MKLN1: variants seen among roughly 807,000 people sequenced by gnomAD.
The protein encoded by MKLN1 is muskelin 1, also known as muskelin.
In MKLN1, 18 loss-of-function variants were observed where a neutral mutation model predicts 99.0. The ratio of observed to expected loss-of-function variants is 0.18; its 90% CI spans 0.13 to 0.27. The LOEUF is 0.27. Among genes scored for constraint, MKLN1 ranks in the 10% least tolerant of loss-of-function variants. The probability of loss-of-function intolerance (pLI) is 1.00; values close to 1 mark genes in which losing one functional copy is unlikely to be tolerated. For synonymous variants in MKLN1, 288 were observed against 293.2 expected, an observed-to-expected ratio of 0.98 and a Z score of 0.18; for missense variants, 621 against 875.9, an observed-to-expected ratio of 0.71 and a Z score of 3.67.
intron 3 of MKLN1, among the ~76,000 whole-genome samples, chr7:131,222,054 C>T (rs1034755901): frequency 5.9e-5 from 9 of 151,436 alleles, no homozygotes; most frequent in Admixed American, 3.3e-4. Context: ...TACAGGCATG[C>T]ACCACCATGC....
rs1796003267 is a variant in MKLN1 at position 131,445,996 on chromosome 7, CCTTT to C, written c.1525+98_1525+101del. ...TCTTTTCTTTCTAATCATTTTTCACCCTTTCTTTATTTCTTTAATTGAGTAATTC... is the reference window on the plus strand; with the variant it reads ...TCTTTTCTTTCTAATCATTTTTCACCCTTTATTTCTTTAATTGAGTAATTC... On this transcript the variant is annotated intron_variant, in intron 12 of 17. Transcript: ENST00000352689. The C allele has an allele frequency of 5.9e-6, 5 of 842,550 alleles. No individual in the cohort carries two copies. In the South Asian group the frequency reaches 9.6e-5, roughly 16 times the overall value. 52.2% of individuals were successfully genotyped at this position (842,550 alleles called of 1,614,324 possible).
At chr7:131,156,052 G>A (rs1795958128) in intron 2 of MKLN1, among the ~76,000 whole-genome samples, 1 of 152,120 alleles carries the variant, frequency 6.6e-6, no homozygotes, top group Non-Finnish European at 1.5e-5. Context: ...AATAAATTAT[G>A]GGTTTTCCAA....
intron 3 of MKLN1, among the ~76,000 whole-genome samples, chr7:131,265,740 A>G (rs1797798436): frequency 6.6e-6 from 1 of 152,242 alleles, no homozygotes; most frequent in Admixed American, 6.5e-5. Context: ...CTTCAAAAAA[A>G]GCCTGGAAGA....
chr7:131,319,925 G>A (rs909262262), intron 3 of MKLN1, among the ~76,000 whole-genome samples: 1 of 152,006 alleles, frequency 6.6e-6, no homozygotes, highest in African/African-American at 2.4e-5. Context: ...TCAAGGAAAT[G>A]AGAGGACTCA....
At chr7:131,272,605 G>A (rs916157352) in intron 3 of MKLN1, among the ~76,000 whole-genome samples, 1 of 152,178 alleles carries the variant, frequency 6.6e-6, no homozygotes, top group African/African-American at 2.4e-5. Flanking sequence ...TTATGCTGCT[G>A]ATAAAGACAT....
Position 131,308,478 on chromosome 7 carries a change from T to C in MKLN1, c.-178-66946T>C, listed in dbSNP as rs540543309. 6.6e-5 allele frequency among the ~76,000 whole-genome samples: 10 copies of C among 152,138 alleles called. No individual in the cohort carries two copies. The East Asian group carries it at 1.9e-3, about 29-fold the overall frequency. ...GGTTTCACCATGTTGGTCAGGCTGGTCTTGAATCCTGACCTCAGGTGATCC... is the reference window on the plus strand; with the variant it reads ...GGTTTCACCATGTTGGTCAGGCTGGCCTTGAATCCTGACCTCAGGTGATCC... On this transcript the variant is annotated intron_variant, in intron 3 of 7. Coordinates refer to the MKLN1 transcript ENST00000416992.
chr7:131,470,218 CATT>C (rs1228060215), intron 15 of MKLN1, among the ~76,000 whole-genome samples: 1 of 152,104 alleles, frequency 6.6e-6, no homozygotes, highest in Non-Finnish European at 1.5e-5. Context: ...ATCATCATTG[CATT>C]ATTGTGAGAA....
chr7:131,466,915 A>G (rs1381319390), intron 15 of MKLN1, among the ~76,000 whole-genome samples: 2 of 150,456 alleles, frequency 1.3e-5, no homozygotes, highest in African/African-American at 4.9e-5. Context: ...ACACACACAC[A>G]CACACACACG....
chr7:131,260,645 G>C (rs771630208), intron 3 of MKLN1, among the ~76,000 whole-genome samples: 2 of 152,118 alleles, frequency 1.3e-5, no homozygotes. Flanking sequence ...TGAATAGCCA[G>C]GGCAATCCTA....
chr7:131,211,834 A>AG (rs1384930550), intron 3 of MKLN1, among the ~76,000 whole-genome samples: 3 of 152,182 alleles, frequency 2.0e-5, no homozygotes, highest in African/African-American at 7.2e-5. Context: ...ATGTATCCCA[A>AG]GTGGCTTAGG....
intron 2 of MKLN1, among the ~76,000 whole-genome samples, chr7:131,188,666 A>T (rs1165810179): frequency 6.6e-6 from 1 of 152,240 alleles, no homozygotes; most frequent in Non-Finnish European, 1.5e-5. Flanking sequence ...GCCCAGACTC[A>T]AGGAATGTAG....
intron 3 of MKLN1, among the ~76,000 whole-genome samples, chr7:131,311,432 A>C (rs1286862925): frequency 1.3e-5 from 2 of 152,172 alleles, no homozygotes; most frequent in Non-Finnish European, 2.9e-5. Context: ...GACACATTAA[A>C]ATTTTAGGAA....
At chr7:131,468,473 G>A (rs987384759) in intron 15 of MKLN1, among the ~76,000 whole-genome samples, 9 of 152,150 alleles carry the variant, frequency 5.9e-5, no homozygotes, top group African/African-American at 1.7e-4. Context: ...TGTTTTGTTC[G>A]TAATGGAAAA....
At chr7:131,395,303 T>C (rs1794324337) in intron 4 of MKLN1, among the ~76,000 whole-genome samples, 1 of 151,936 alleles carries the variant, frequency 6.6e-6, no homozygotes, top group Non-Finnish European at 1.5e-5. Flanking sequence ...ATTGTACAGG[T>C]CCTTTCCTTG....
intron 1 of MKLN1, among the ~76,000 whole-genome samples, chr7:131,361,370 T>C (rs1584649552): frequency 6.6e-6 from 1 of 151,924 alleles, no homozygotes; most frequent in East Asian, 1.9e-4. Context: ...GTCATATCTT[T>C]AAGCTCACTG....
chr7:131,465,288 A>G (rs1179177370), intron 14 of MKLN1, among the ~76,000 whole-genome samples: 1 of 152,166 alleles, frequency 6.6e-6, no homozygotes, highest in African/African-American at 2.4e-5. Context: ...AAAACATTCA[A>G]GTGCAATAAA....
rs138597794 is a variant in MKLN1, at chr7:131,237,313, C to T, written c.-179+34339C>T. On this transcript the variant is annotated intron_variant, in intron 3 of 7. Coordinates refer to the MKLN1 transcript ENST00000416992. ...TGAGAGATTTTACATCAAAGTACAA[C>T]GTGAAGTCTCCCAGAACTTCCTGCT... 3.7e-3 allele frequency among the ~76,000 whole-genome samples: 568 copies of T among 152,224 alleles called. 7 individuals carry two copies. Among genetic ancestry groups the T allele is most frequent in the African/African-American group, 0.011 (471 of 41,516 alleles).
chr7:131,123,165 T>G (rs184244540), intron 1 of MKLN1, among the ~76,000 whole-genome samples: 2 of 152,206 alleles, frequency 1.3e-5, no homozygotes, highest in East Asian at 3.9e-4. Context: ...AACTGGAAAT[T>G]TTAGGAAATA....
chr7:131,488,636 G>T lies in MKLN1; in HGVS notation c.*908G>T, dbSNP rs982539429. 5 of 152,544 alleles carry T rather than the reference G, an allele frequency of 3.3e-5. No individual in the cohort carries two copies. The East Asian group carries it at 5.8e-4, about 18-fold the overall frequency. 9.4% of individuals were successfully genotyped at this position (152,544 alleles called of 1,614,324 possible). On this transcript the variant is annotated 3_prime_UTR_variant, in exon 18 of 18. Coordinates refer to ENST00000352689, the MANE Select transcript of MKLN1 (RefSeq NM_013255.5). The stretch of plus-strand genomic sequence containing the variant: ...AGAGCTCTGCAGAACCAGGGCTCCC[G>T]TTTATCTTGTGCTATCTCTGTAGTA...
Sources: allele counts gnomAD v4.1 joint callset (sites outside exome capture counted in the v4.1 genomes callset), GRCh38; gene constraint gnomAD v4.1.1; transcripts MANE v1.5; gene names NCBI Gene and HGNC (gene_info 2026-07-23, HGNC 2026-07-21).